Variants in FAIM2 observed in about 807,000 individuals in gnomAD.
FAIM2 encodes the protein Fas apoptotic inhibitory molecule 2.
A neutral mutation model predicts 47.4 loss-of-function variants in FAIM2; 27 were observed. That is an observed-to-expected ratio of 0.57 (90% CI 0.42 to 0.78). The LOEUF is 0.78. FAIM2 is among the 30% of genes least tolerant of loss of function. The probability of loss-of-function intolerance (pLI) is 0.00; values close to 1 mark genes in which losing one functional copy is unlikely to be tolerated. For synonymous variants in FAIM2, 156 were observed against 159.3 expected (o/e 0.98, Z 0.16); for missense variants, 311 against 389.4 (o/e 0.80, Z 1.69).
rs1007494417 is a variant in FAIM2, at chr12:49,870,410, C to A, written c.*94G>T. 2.1e-5 allele frequency: 26 copies of A among 1,211,426 alleles called. No individual in the cohort carries two copies. The East Asian group carries it at 3.5e-4, about 16-fold the overall frequency. 75.0% of individuals were successfully genotyped at this position (1,211,426 alleles called of 1,614,324 possible). ...ACCTGGCCACAGGCTGGGTTGGCAG[C>A]TAGTTTTATATCTGGTCTCGCAGGA... On this transcript the variant is annotated 3_prime_UTR_variant, in exon 12 of 12. Transcript: ENST00000320634.
In FAIM2 at chr12:49,882,821, C is replaced by T. The variant is rs114488426; in HGVS notation, c.801+4565G>A. Among the ~76,000 whole-genome samples, 266 of 152,332 alleles carry T rather than the reference C, an allele frequency of 1.7e-3. 1 individual carries two copies. The highest frequency in any genetic ancestry group is 5.9e-3 in the African/African-American group (244 of 41,582). ...TACCTACTATGTACCAGGCCCTGTTCTGGGCACTGGGGCTGCAGTGATGAA... is the reference window on the plus strand; with the variant it reads ...TACCTACTATGTACCAGGCCCTGTTTTGGGCACTGGGGCTGCAGTGATGAA... On this transcript the variant is annotated intron_variant, in intron 11 of 11. Coordinates refer to ENST00000320634, the MANE Select transcript of FAIM2 (RefSeq NM_012306.4).
In FAIM2 at chr12:49,878,157, AGTGTATGT is replaced by A. The variant is rs1223845922; in HGVS notation, c.802-7512_802-7505del. ...GAGTGTGCATGTGAGTGTGTGTATG[AGTGTATGT>A]GTGTATGTGCATGTGTATATGTGTG... On this transcript the variant is annotated intron_variant, in intron 11 of 11. Coordinates refer to ENST00000320634, the MANE Select transcript of FAIM2 (RefSeq NM_012306.4). Among the ~76,000 whole-genome samples, 16 of 80,504 alleles carry A rather than the reference AGTGTATGT, an allele frequency of 2.0e-4. 3 individuals are homozygous for A. The highest frequency in any genetic ancestry group is 1.4e-3 in the South Asian group (3 of 2,114). The allele number at this position is 80,504 out of a possible 152,430, so 52.8% of individuals were successfully genotyped here. A position where few individuals can be genotyped will look rare whatever the true frequency, so the allele number is the denominator to read the frequency against.
rs564596599 is a variant in FAIM2, at chr12:49,893,743, T to G, written c.435-2629A>C. The stretch of plus-strand genomic sequence containing the variant: ...AGTGACTGGAGGGCTCTTCTGGTAG[T>G]TGGTGCCAGGGGCTGCTGAACATCC... On this transcript the variant is annotated intron_variant, in intron 5 of 11. Coordinates refer to ENST00000320634, the MANE Select transcript of FAIM2 (RefSeq NM_012306.4). Among the ~76,000 whole-genome samples, 4 of 152,350 alleles carry G rather than the reference T, an allele frequency of 2.6e-5. No homozygotes were observed. The South Asian group carries it at 6.2e-4, about 24-fold the overall frequency.
chr12:49,887,572 C>A, intron 10 of FAIM2, 133 bp from the exon 11 acceptor site: 1 of 748,716 alleles, frequency 1.3e-6, no homozygotes, highest in Non-Finnish European at 2.3e-6. Flanking sequence ...AGCCCCAGGA[C>A]TGACAGTGGC....
intron 11 of FAIM2, among the ~76,000 whole-genome samples, chr12:49,884,130 A>G (rs1159608865): frequency 6.6e-6 from 1 of 152,106 alleles, no homozygotes; most frequent in Non-Finnish European, 1.5e-5. Flanking sequence ...AGGCTGAGGC[A>G]GGAGAATCAC....
At chr12:49,879,700 A>ATG (rs543494704) in intron 11 of FAIM2, among the ~76,000 whole-genome samples, 3 of 59,222 alleles carry the variant, frequency 5.1e-5, no homozygotes, top group Admixed American at 1.9e-4. Context: ...GTCTGTGTGC[A>ATG]TGTGTGTGTG....
chr12:49,889,067 T>G, intron 10 of FAIM2, 40 bp downstream of exon 10: 1 of 1,500,652 alleles, frequency 6.7e-7, no homozygotes, highest in Non-Finnish European at 9.2e-7. Context: ...GTGGGGCCCC[T>G]CCCTCCCCAT....
In FAIM2 at chr12:49,883,578, C is replaced by T. The variant is rs762958013; in HGVS notation, c.801+3808G>A. Among the ~76,000 whole-genome samples the T allele has an allele frequency of 3.9e-5, 6 of 151,996 alleles. No individual in the cohort carries two copies. The East Asian group carries it at 5.8e-4, about 15-fold the overall frequency. On this transcript the variant is annotated intron_variant, in intron 11 of 11. Transcript: ENST00000320634. ...CTCATGCAGACCCTCACTAGGCAACCGGAAATTCTAGTCTAGAATTCAAGA... is the reference window on the plus strand; with the variant it reads ...CTCATGCAGACCCTCACTAGGCAACTGGAAATTCTAGTCTAGAATTCAAGA...
intron 2 of FAIM2, among the ~76,000 whole-genome samples, chr12:49,898,535 G>T (rs757957469): frequency 3.3e-4 from 50 of 152,020 alleles, no homozygotes; most frequent in Non-Finnish European, 6.2e-4. Flanking sequence ...GTTTTGTTTT[G>T]TTTTTTTGAG....
chr12:49,897,676 C>G, intron 3 of FAIM2, 93 bp from the exon 4 acceptor site: 1 of 881,170 alleles, frequency 1.1e-6, no homozygotes, highest in South Asian at 1.6e-5. Context: ...GGTCCCCATC[C>G]TGTGCACTCC....
rs755839832 is a variant in FAIM2 at position 49,870,438 on chromosome 12, G to A, written c.*66C>T. On this transcript the variant is annotated 3_prime_UTR_variant, in exon 12 of 12. Coordinates refer to ENST00000320634, the MANE Select transcript of FAIM2 (RefSeq NM_012306.4). ...GTTTTATATCTGGTCTCGCAGGAGCGCAGGGGAGGGACAGGGAACCAGGAG... is the reference window on the plus strand; with the variant it reads ...GTTTTATATCTGGTCTCGCAGGAGCACAGGGGAGGGACAGGGAACCAGGAG... 1.2e-5 allele frequency: 17 copies of A among 1,445,400 alleles called. No individual in the cohort carries two copies. Among genetic ancestry groups the A allele is most frequent in the Middle Eastern group, 1.9e-4 (1 of 5,306 alleles). The allele number at this position is 1,445,400 out of a possible 1,614,324, so 89.5% of individuals were successfully genotyped here. A position where few individuals can be genotyped will look rare whatever the true frequency, so the allele number is the denominator to read the frequency against.
intron 11 of FAIM2, among the ~76,000 whole-genome samples, chr12:49,875,995 GC>G (rs1188324315): frequency 1.3e-5 from 2 of 152,116 alleles, no homozygotes; most frequent in East Asian, 3.9e-4. Flanking sequence ...GAACCAGGAG[GC>G]AAGGTAAGCA....
At position 49,869,835 on chromosome 12, in the gene FAIM2, C is replaced by T. The variant is rs1402492026; in HGVS notation, c.*669G>A. 6.6e-6 allele frequency: 1 copy of T among 152,310 alleles called. No homozygotes were observed. Among genetic ancestry groups the T allele is most frequent in the Non-Finnish European group, 1.5e-5 (1 of 68,276 alleles). The allele number at this position is 152,310 out of a possible 1,614,324, so 9.4% of individuals were successfully genotyped here. A position where few individuals can be genotyped will look rare whatever the true frequency, so the allele number is the denominator to read the frequency against. ...CCTCACCTCCTGCCCCAAAAGAGCT[C>T]TGTCATGACCCGGGAGGGCCATTCA... is the stretch of plus-strand genomic sequence containing the variant. On this transcript the variant is annotated 3_prime_UTR_variant, in exon 12 of 12. Coordinates refer to ENST00000320634, the MANE Select transcript of FAIM2 (RefSeq NM_012306.4).
At chr12:49,895,326 C>A (rs1337122465) in intron 5 of FAIM2, among the ~76,000 whole-genome samples, 1 of 152,194 alleles carries the variant, frequency 6.6e-6, no homozygotes, top group African/African-American at 2.4e-5. Context: ...CTCCCAATCC[C>A]CCCATCCCCC....
chr12:49,879,701 T>TGA (rs1555158290), intron 11 of FAIM2, among the ~76,000 whole-genome samples: 3 of 23,708 alleles, frequency 1.3e-4, no homozygotes, highest in African/African-American at 5.3e-4. Flanking sequence ...TCTGTGTGCA[T>TGA]GTGTGTGTGT....
chr12:49,896,013 T>C (rs1191241700), intron 5 of FAIM2, among the ~76,000 whole-genome samples: 1 of 152,242 alleles, frequency 6.6e-6, no homozygotes, highest in African/African-American at 2.4e-5. Context: ...TTAAGCCACT[T>C]GTCTCCTGGG....
At chr12:49,902,449 A>C (rs1946987651) in intron 1 of FAIM2, 1 of 152,220 alleles carries the variant, frequency 6.6e-6, no homozygotes, top group Non-Finnish European at 1.5e-5. Context: ...CACGCACCAG[A>C]AGACTTCTGG....
chr12:49,896,801 C>T (rs1414721663), intron 5 of FAIM2, among the ~76,000 whole-genome samples: 1 of 152,220 alleles, frequency 6.6e-6, no homozygotes, highest in African/African-American at 2.4e-5. Context: ...GGCAGCAGAA[C>T]CTACCCCCGT....
intron 11 of FAIM2, among the ~76,000 whole-genome samples, chr12:49,872,186 A>G (rs968098460): frequency 2.0e-5 from 3 of 152,168 alleles, no homozygotes; most frequent in Non-Finnish European, 4.4e-5. Context: ...CATGGGGGAC[A>G]CTTATAGGTC....
Sources: allele counts gnomAD v4.1 joint callset (sites outside exome capture counted in the v4.1 genomes callset), GRCh38; gene constraint gnomAD v4.1.1; transcripts MANE v1.5; gene names NCBI Gene and HGNC (gene_info 2026-07-23, HGNC 2026-07-21).